Variants in TULP4 observed in about 807,000 individuals in gnomAD.
TULP4 encodes TUB like protein 4.
Under a neutral mutation model 129.0 loss-of-function variants are expected in TULP4, and 16 were observed. The ratio of observed to expected loss-of-function variants is 0.12; its 90% confidence interval spans 0.08 to 0.19. TULP4 has a LOEUF of 0.19. Ranked by LOEUF, TULP4 falls within the 10% of genes least tolerant of loss-of-function variation. The pLI is 1.00. For synonymous variants in TULP4, 998 were observed against 854.0 expected, an observed-to-expected ratio of 1.17 and a Z score of -2.94; for missense variants, 1,842 against 2,059.1, an observed-to-expected ratio of 0.89 and a Z score of 2.04.
At chr6:158,481,655 A>G (rs1293533106) in intron 8 of TULP4, 3 of 288,216 alleles carry the variant, frequency 1.0e-5, no homozygotes, top group Non-Finnish European at 2.0e-5. Context: ...ATAACAAGAT[A>G]CAGTCCCTAC....
chr6:158,242,105 G>T, intron 1 of TULP4: 1 of 834,028 alleles, frequency 1.2e-6, no homozygotes, highest in East Asian at 2.4e-5. Context: ...TCCTCTGTTT[G>T]ACCCTGAAGC....
At chr6:158,263,293 C>T (rs1192193600) in intron 1 of TULP4, among the ~76,000 whole-genome samples, 1 of 152,250 alleles carries the variant, frequency 6.6e-6, no homozygotes, top group Non-Finnish European at 1.5e-5. Context: ...AGCTGGGAGA[C>T]TGTCTCCTAA....
At chr6:158,260,850 C>T (rs542659761) in intron 1 of TULP4, among the ~76,000 whole-genome samples, 5 of 136,582 alleles carry the variant, frequency 3.7e-5, no homozygotes, top group African/African-American at 1.4e-4. Context: ...ACAAGAGTTT[C>T]GCTCTTGTTG....
intron 1 of TULP4, among the ~76,000 whole-genome samples, chr6:158,240,732 T>G (rs1777875288): frequency 8.1e-6 from 1 of 122,752 alleles, no homozygotes; most frequent in Non-Finnish European, 1.8e-5. Flanking sequence ...ACGGGGCGGC[T>G]GGCCGGGCGG....
chr6:158,313,882 C>T lies in TULP4; in HGVS notation c.-135C>T, dbSNP rs59586926. The T allele has an allele frequency of 0.14, 125,656 of 916,430 alleles. 9,391 individuals carry two copies. The highest frequency in any genetic ancestry group is 0.25 in the African/African-American group (14,978 of 59,920). The allele number at this position is 916,430 out of a possible 1,614,324, so 56.8% of individuals were successfully genotyped here. On this transcript the variant is annotated 5_prime_UTR_variant, in exon 1 of 14. Transcript: ENST00000367097. ...AAAATACTGACCTTCTAATTAGATTCAGGTCAGTCTTAATTAAAGGGGGAA... is the reference window on the plus strand; with the variant it reads ...AAAATACTGACCTTCTAATTAGATTTAGGTCAGTCTTAATTAAAGGGGGAA...
At chr6:158,501,159 T>G (rs573907422) in intron 12 of TULP4, among the ~76,000 whole-genome samples, 14 of 152,330 alleles carry the variant, frequency 9.2e-5, no homozygotes, top group African/African-American at 3.4e-4. Flanking sequence ...CTACCACATT[T>G]TACATGGTTC....
At chr6:158,387,162 AT>A (rs780915094) in intron 1 of TULP4, among the ~76,000 whole-genome samples, 3 of 152,144 alleles carry the variant, frequency 2.0e-5, no homozygotes, top group Non-Finnish European at 2.9e-5. Flanking sequence ...TGTAAGTGTG[AT>A]GGCTGTTTTT....
At chr6:158,247,228 C>A (rs926243326) in intron 1 of TULP4, among the ~76,000 whole-genome samples, 1 of 151,828 alleles carries the variant, frequency 6.6e-6, no homozygotes, top group Non-Finnish European at 1.5e-5. Context: ...ATATTAGATC[C>A]CCTGGGATAA....
At chr6:158,317,078 T>C (rs1302740458) in intron 1 of TULP4, among the ~76,000 whole-genome samples, 1 of 152,182 alleles carries the variant, frequency 6.6e-6, no homozygotes, top group Non-Finnish European at 1.5e-5. Context: ...GGTTTTAGAA[T>C]TCTGCCTACC....
intron 1 of TULP4, among the ~76,000 whole-genome samples, chr6:158,374,005 G>A (rs1396328524): frequency 1.3e-5 from 2 of 152,166 alleles, no homozygotes; most frequent in Non-Finnish European, 2.9e-5. Flanking sequence ...TCTCTATGTT[G>A]ACATGTCCTG....
At chr6:158,339,033 A>G (rs1216773335) in intron 1 of TULP4, among the ~76,000 whole-genome samples, 1 of 152,228 alleles carries the variant, frequency 6.6e-6, no homozygotes, top group African/African-American at 2.4e-5. Flanking sequence ...GGAAAAAGAA[A>G]AAAACACATT....
chr6:158,430,035 TA>T (rs1436436307), intron 3 of TULP4, 138 bp downstream of exon 3: 221 of 795,870 alleles, frequency 2.8e-4, no homozygotes, highest in Non-Finnish European at 3.8e-4. Flanking sequence ...ACTGTCCAGG[TA>T]AAAATTAAAA....
Position 158,455,029 on chromosome 6 carries a change from C to A in TULP4, c.859+2761C>A, listed in dbSNP as rs955907442. On this transcript the variant is annotated intron_variant, in intron 5 of 13. Coordinates refer to ENST00000367097, the MANE Select transcript of TULP4 (RefSeq NM_020245.5). ...TGTGAAATTTTTTTCCTTGAGTTTT[C>A]TTCTAAAAATACAGGCAAATTTAAC... 7.0e-5 allele frequency among the ~76,000 whole-genome samples: 10 copies of A among 142,036 alleles called. 1 individual carries two copies. Among genetic ancestry groups the A allele is most frequent in the Non-Finnish European group, 1.6e-4 (10 of 63,064 alleles). 93.2% of individuals were successfully genotyped at this position (142,036 alleles called of 152,430 possible). A position where few individuals can be genotyped will look rare whatever the true frequency, so the allele number is the denominator to read the frequency against.
At chr6:158,327,488 A>T (rs114425692) in intron 1 of TULP4, among the ~76,000 whole-genome samples, 1,840 of 152,238 alleles carry the variant, frequency 0.012, 42 homozygotes, top group African/African-American at 0.041. Context: ...AAAGTTTTAC[A>T]TGTTTGACTT....
At chr6:158,299,915 GAA>G (rs1779103950) in intron 1 of TULP4, among the ~76,000 whole-genome samples, 1 of 152,204 alleles carries the variant, frequency 6.6e-6, no homozygotes, top group African/African-American at 2.4e-5. Flanking sequence ...AGGAGGAAGA[GAA>G]GAACAGGGGG....
chr6:158,444,684 T>A (rs1394659008), intron 3 of TULP4, among the ~76,000 whole-genome samples: 1 of 152,208 alleles, frequency 6.6e-6, no homozygotes, highest in African/African-American at 2.4e-5. Flanking sequence ...CCTCCTTTGG[T>A]TGTGGCTTGG....
chr6:158,423,226 C>G (rs765152465), intron 2 of TULP4, among the ~76,000 whole-genome samples: 1 of 151,776 alleles, frequency 6.6e-6, no homozygotes, highest in Middle Eastern at 3.5e-3. Flanking sequence ...CTCTAGAAGT[C>G]TTTGCAGCCT....
intron 2 of TULP4, among the ~76,000 whole-genome samples, chr6:158,423,123 G>GA (rs1491103109): frequency 8.0e-4 from 7 of 8,798 alleles, no homozygotes; most frequent in African/African-American, 3.9e-3. Flanking sequence ...ACAAAAAAGA[G>GA]GGGGGGGGGG....
chr6:158,340,284 C>G (rs1182548438), intron 1 of TULP4, among the ~76,000 whole-genome samples: 1 of 152,100 alleles, frequency 6.6e-6, no homozygotes, highest in Admixed American at 6.5e-5. Context: ...TATAGACATG[C>G]AAATTGTAGG....
Sources: allele counts gnomAD v4.1 joint callset (sites outside exome capture counted in the v4.1 genomes callset), GRCh38; gene constraint gnomAD v4.1.1; transcripts MANE v1.5; gene names NCBI Gene and HGNC (gene_info 2026-07-23, HGNC 2026-07-21).